The following MCTP2 variants were observed in gnomAD, a reference collection of about 807,000 sequenced individuals.
MCTP2 encodes the protein multiple C2 and transmembrane domain containing 2, also known as multiple C2 and transmembrane domain-containing protein 2.
In MCTP2, 132 loss-of-function variants were observed where a neutral mutation model predicts 111.6. That is an observed-to-expected ratio of 1.18 (90% CI 1.03 to 1.37). The LOEUF is 1.37. MCTP2 is among the 40% of genes most tolerant of loss of function. MCTP2 has a pLI of 0.00. For missense variants in MCTP2, 1,183 were observed against 1,067.9 expected (o/e 1.11, Z -1.50); for synonymous variants, 395 against 387.7 (o/e 1.02, Z -0.22).
At position 94,249,738 on chromosome 15, in the gene MCTP2, G is replaced by A. The variant is rs374280239; in HGVS notation, c.-66+18074G>A. 2.0e-4 allele frequency among the ~76,000 whole-genome samples: 31 copies of A among 152,094 alleles called. No homozygotes were observed. The East Asian group carries it at 5.8e-3, about 29-fold the overall frequency. The stretch of plus-strand genomic sequence containing the variant: ...CTGACCTCGTGATCCACCCACCTCA[G>A]CCTCCCAAAGTGCTGGGATTACAGG... On this transcript the variant is annotated intron_variant, in intron 1 of 22. Transcript: ENST00000357742.
At chr15:94,467,504 T>C (rs2073478358) in intron 20 of MCTP2, among the ~76,000 whole-genome samples, 1 of 152,152 alleles carries the variant, frequency 6.6e-6, no homozygotes, top group African/African-American at 2.4e-5. Context: ...TTTTACTGTA[T>C]GTAGCTTTGA....
intron 20 of MCTP2, among the ~76,000 whole-genome samples, chr15:94,463,041 G>C (rs1335366911): frequency 6.6e-6 from 1 of 152,158 alleles, no homozygotes; most frequent in Admixed American, 6.5e-5. Flanking sequence ...TTAGTCAACT[G>C]ACCTGGCTCT....
At position 94,479,129 on chromosome 15, in the gene MCTP2, T is replaced by C; in HGVS notation, c.*95T>C. On this transcript the variant is annotated 3_prime_UTR_variant, in exon 23 of 23. Transcript: ENST00000357742. ...TTCAGTGGTACCCAAGGTGTCCTTC[T>C]GAAATGCATGCCCTGTGGCACCCTC... The C allele has an allele frequency of 1.7e-6, 2 of 1,207,678 alleles. No homozygotes were observed. Among genetic ancestry groups the C allele is most frequent in the Middle Eastern group, 1.9e-4 (1 of 5,274 alleles). The allele number at this position is 1,207,678 out of a possible 1,614,324, so 74.8% of individuals were successfully genotyped here. A position where few individuals can be genotyped will look rare whatever the true frequency, so the allele number is the denominator to read the frequency against.
rs2075370979 is a variant in MCTP2 at position 94,298,337 on chromosome 15, C to G, written c.72C>G (p.Ser24Arg). The change falls in exon 2 of 23, where the codon AGC (serine) becomes AGG (arginine). Residue 24 changes from serine (S) to arginine (R), a missense_variant. Transcript: ENST00000357742. ...QRTRPLLINL[S>R]KKKVKKNPSK... ...CCAGGCCATTGTTGATCAACTTGAG[C>G]AAGAAGAAGGTGAAAAAGAACCCAA... 3 of 1,613,950 alleles carry G rather than the reference C, an allele frequency of 1.9e-6. No homozygotes were observed. In the African/African-American group the frequency reaches 4.0e-5, roughly 22 times the overall value.
chr15:94,340,415 G>T, intron 6 of MCTP2, 140 bp downstream of exon 6: 1 of 665,820 alleles, frequency 1.5e-6, no homozygotes, highest in East Asian at 2.7e-5. Context: ...TGTTATAACT[G>T]TCAGTGTATT....
intron 4 of MCTP2, among the ~76,000 whole-genome samples, chr15:94,323,513 G>T (rs1170121806): frequency 6.6e-6 from 1 of 152,214 alleles, no homozygotes; most frequent in African/African-American, 2.4e-5. Flanking sequence ...CTTGCAGGTG[G>T]TTTTCCAGTT....
At position 94,290,259 on chromosome 15, in the gene MCTP2, A is replaced by G. The variant is rs547370233; in HGVS notation, c.-65-7942A>G. Among the ~76,000 whole-genome samples, 4 of 152,276 alleles carry G rather than the reference A, an allele frequency of 2.6e-5. No homozygotes were observed. In the East Asian group the frequency reaches 7.7e-4, roughly 29 times the overall value. On this transcript the variant is annotated intron_variant, in intron 1 of 22. Transcript: ENST00000357742. The stretch of plus-strand genomic sequence containing the variant: ...AATAAATTTATCTTTTTAAGCCACT[A>G]ATTTTTTCATTATTTGTTATGGGAG...
intron 19 of MCTP2, among the ~76,000 whole-genome samples, chr15:94,456,365 A>G (rs2084836628): frequency 6.6e-6 from 1 of 152,240 alleles, no homozygotes; most frequent in South Asian, 2.1e-4. Context: ...TTTTTATTAA[A>G]TCGAATGACA....
chr15:94,333,470 T>C lies in MCTP2; in HGVS notation c.638-5820T>C, dbSNP rs74028566. 9.6e-3 allele frequency among the ~76,000 whole-genome samples: 1,456 copies of C among 152,284 alleles called. 22 individuals carry two copies. Among genetic ancestry groups the C allele is most frequent in the African/African-American group, 0.031 (1,304 of 41,512 alleles). ...AAAAAAAAAGCAAAGAGAAGTTGTT[T>C]GTAATTAGAGCTGCATTACAGGTTC... On this transcript the variant is annotated intron_variant, in intron 4 of 22. Transcript: ENST00000357742.
At chr15:94,245,081 T>G (rs892762080) in intron 1 of MCTP2, among the ~76,000 whole-genome samples, 2 of 150,076 alleles carry the variant, frequency 1.3e-5, no homozygotes, top group South Asian at 4.2e-4. Context: ...TACGTATATG[T>G]ATACACATAC....
At chr15:94,423,879 T>C (rs1281469032) in intron 17 of MCTP2, among the ~76,000 whole-genome samples, 1 of 152,208 alleles carries the variant, frequency 6.6e-6, no homozygotes, top group Non-Finnish European at 1.5e-5. Context: ...TATGCACACA[T>C]ATATGCAGTT....
chr15:94,389,278 TC>T (rs1164032494), intron 14 of MCTP2, among the ~76,000 whole-genome samples: 5 of 151,716 alleles, frequency 3.3e-5, no homozygotes, highest in Admixed American at 6.6e-5. Context: ...AAAGGCCGTG[TC>T]TGGGAATGAG....
chr15:94,409,280 C>T (rs1172412967), intron 17 of MCTP2, among the ~76,000 whole-genome samples: 2 of 152,108 alleles, frequency 1.3e-5, no homozygotes, highest in Admixed American at 1.3e-4. Flanking sequence ...GAACATCGGA[C>T]TCCGAGTTCT....
intron 9 of MCTP2, among the ~76,000 whole-genome samples, 196 bp downstream of exon 9, chr15:94,356,497 GTTTAA>G (rs926551555): frequency 6.6e-5 from 10 of 152,124 alleles, no homozygotes; most frequent in East Asian, 1.9e-4. Context: ...GCTTAGTACA[GTTTAA>G]TTTAGTAACT....
intron 2 of MCTP2, among the ~76,000 whole-genome samples, chr15:94,309,135 C>A (rs1242153683): frequency 1.3e-5 from 2 of 152,136 alleles, no homozygotes; most frequent in Non-Finnish European, 1.5e-5. Context: ...TCTGAATACA[C>A]CTTCCAGTTT....
intron 12 of MCTP2, among the ~76,000 whole-genome samples, chr15:94,381,415 C>T (rs748188457): frequency 9.9e-5 from 15 of 152,190 alleles, no homozygotes; most frequent in Admixed American, 5.2e-4. Flanking sequence ...TCCTTGGAGA[C>T]ACATAACTGA....
chr15:94,425,379 G>C (rs2082833419), intron 17 of MCTP2, among the ~76,000 whole-genome samples: 1 of 151,982 alleles, frequency 6.6e-6, no homozygotes, highest in Non-Finnish European at 1.5e-5. Context: ...AGAATGTCTT[G>C]GTAAGAGAGC....
At chr15:94,439,582 C>G (rs2083662342) in intron 17 of MCTP2, among the ~76,000 whole-genome samples, 3 of 152,076 alleles carry the variant, frequency 2.0e-5, no homozygotes, top group Admixed American at 2.0e-4. Flanking sequence ...GACTCAGTCT[C>G]AAATTCTCAC....
At position 94,481,828 on chromosome 15, in the gene MCTP2, G is replaced by C. The variant is rs1326003242; in HGVS notation, c.*2794G>C. 2 of 152,260 alleles carry C rather than the reference G, an allele frequency of 1.3e-5. No homozygotes were observed. The highest frequency in any genetic ancestry group is 2.9e-5 in the Non-Finnish European group (2 of 68,066). The allele number at this position is 152,260 out of a possible 1,614,324, so 9.4% of individuals were successfully genotyped here. On this transcript the variant is annotated 3_prime_UTR_variant, in exon 23 of 23. Transcript: ENST00000357742. Reference sequence around the variant, plus strand: ...CATGTTTAACAGGCCAGGTCGTAGAGATTATTTTTCTTTCTCTGCCTTTTC... The same window carrying C: ...CATGTTTAACAGGCCAGGTCGTAGACATTATTTTTCTTTCTCTGCCTTTTC...
Sources: gnomAD v4.1 joint callset for allele counts (sites outside exome capture counted in the v4.1 genomes callset) on GRCh38, gnomAD v4.1.1 for gene constraint, MANE v1.5 for transcripts, NCBI Gene and HGNC (gene_info 2026-07-23, HGNC 2026-07-21) for gene names.